The following TMEM44 variants were observed in gnomAD, a reference collection of about 807,000 sequenced individuals.
TMEM44 encodes transmembrane protein 44.
A neutral mutation model predicts 47.8 loss-of-function variants in TMEM44; 43 were observed. That is an observed-to-expected ratio of 0.90 (90% CI 0.70 to 1.16). TMEM44 has a LOEUF of 1.16. Ranked by LOEUF, TMEM44 falls within the 50% of genes most tolerant of loss-of-function variation. The pLI is 0.00. For missense variants in TMEM44, 568 were observed against 555.2 expected (o/e 1.02, Z -0.23); for synonymous variants, 277 against 238.8 (o/e 1.16, Z -1.48).
intron 9 of TMEM44, among the ~76,000 whole-genome samples, chr3:194,602,601 T>TC (rs1714271725): frequency 1.1e-5 from 1 of 93,294 alleles, no homozygotes; most frequent in African/African-American, 7.8e-5. Context: ...GAACTCCTTC[T>TC]CAAAAAAAAA....
At chr3:194,591,434 C>T (rs1232396653) in intron 9 of TMEM44, among the ~76,000 whole-genome samples, 1 of 152,074 alleles carries the variant, frequency 6.6e-6, no homozygotes, top group Non-Finnish European at 1.5e-5. Flanking sequence ...GCGGAGGTTG[C>T]AGTGAGCCGA....
At chr3:194,600,643 C>G (rs1040068290) in intron 9 of TMEM44, among the ~76,000 whole-genome samples, 2 of 151,970 alleles carry the variant, frequency 1.3e-5, no homozygotes, top group African/African-American at 4.8e-5. Flanking sequence ...CCCAGATACT[C>G]AGGAGGCTGA....
intron 1 of TMEM44, among the ~76,000 whole-genome samples, chr3:194,630,852 T>C (rs1717734165): frequency 6.8e-6 from 1 of 146,560 alleles, no homozygotes; most frequent in Non-Finnish European, 1.5e-5. Flanking sequence ...TCTGAAATAA[T>C]ACGCTGTCGT....
chr3:194,612,436 A>C (rs942569549), intron 7 of TMEM44, among the ~76,000 whole-genome samples: 1 of 152,254 alleles, frequency 6.6e-6, no homozygotes, highest in South Asian at 2.1e-4. Context: ...CAGTCGGATC[A>C]CATGGTTAAG....
intron 2 of TMEM44, among the ~76,000 whole-genome samples, chr3:194,626,681 GTT>G (rs61419904): frequency 8.3e-5 from 11 of 133,094 alleles, no homozygotes; most frequent in South Asian, 5.0e-4. Context: ...ATGTAGTTAA[GTT>G]TTTTTTTTTT....
At position 194,626,465 on chromosome 3, in the gene TMEM44, C is replaced by T. The variant is rs562512104; in HGVS notation, c.265-475G>A. 3.3e-5 allele frequency among the ~76,000 whole-genome samples: 5 copies of T among 152,324 alleles called. No homozygotes were observed. In the South Asian group the frequency reaches 8.3e-4, roughly 25 times the overall value. ...AGCAAACTACCTCTAAAGGCACCAGCTCCTCTGATAGTAGAGTTAGCGGTG... is the reference window on the plus strand; with the variant it reads ...AGCAAACTACCTCTAAAGGCACCAGTTCCTCTGATAGTAGAGTTAGCGGTG... On this transcript the variant is annotated intron_variant, in intron 2 of 9. Coordinates refer to ENST00000347147, the MANE Select transcript of TMEM44 (RefSeq NM_001011655.3).
At chr3:194,612,361 G>A (rs1226603026) in intron 7 of TMEM44, among the ~76,000 whole-genome samples, 1 of 152,156 alleles carries the variant, frequency 6.6e-6, no homozygotes, top group Non-Finnish European at 1.5e-5. Flanking sequence ...TCTTTGGTCT[G>A]GGCACCTATA....
At chr3:194,608,003 C>T (rs774403612) in intron 8 of TMEM44, among the ~76,000 whole-genome samples, 3 of 152,330 alleles carry the variant, frequency 2.0e-5, no homozygotes, top group South Asian at 2.1e-4. Context: ...AGAATCCCTT[C>T]GACACTGAGC....
At chr3:194,628,229 G>A (rs892663107) in intron 2 of TMEM44, among the ~76,000 whole-genome samples, 154 bp downstream of exon 2, 3 of 152,234 alleles carry the variant, frequency 2.0e-5, no homozygotes, top group Admixed American at 2.0e-4. Flanking sequence ...CCTCTGAGGG[G>A]GGCAGAAGGA....
chr3:194,618,157 C>G (rs1716147476), intron 5 of TMEM44, among the ~76,000 whole-genome samples: 1 of 152,210 alleles, frequency 6.6e-6, no homozygotes, highest in Non-Finnish European at 1.5e-5. Context: ...CCCGGCCCTT[C>G]TCTCCCTGGG....
At position 194,623,230 on chromosome 3, in the gene TMEM44, GGA is replaced by G. The variant is rs753398186; in HGVS notation, c.604_605del (p.Ser202GlnfsTer38). 6.3e-5 allele frequency: 102 copies of G among 1,608,086 alleles called. 1 individual carries two copies. Among genetic ancestry groups the G allele is most frequent in the Admixed American group, 5.2e-4 (31 of 59,226 alleles). On this transcript the variant is annotated frameshift_variant, in exon 5 of 10. Coordinates refer to ENST00000347147, the MANE Select transcript of TMEM44 (RefSeq NM_001011655.3). LOFTEE classifies it high-confidence loss of function. ...GSWASRIPPL[S>X]RICRGKTFPS... ...TCCCCACCCCCGGCCTCACAATTCT[GGA>G]GAGAGGGGGGATCCGAGAAGCCCAG...
intron 1 of TMEM44, 27 bp downstream of exon 1, chr3:194,633,052 C>T (rs1717989336): frequency 6.5e-7 from 1 of 1,545,306 alleles, no homozygotes; most frequent in Admixed American, 2.0e-5. Context: ...CCCCGCCCGA[C>T]AGCCCCCCGA....
intron 9 of TMEM44, among the ~76,000 whole-genome samples, chr3:194,590,514 C>T (rs572841848): frequency 3.0e-4 from 46 of 152,328 alleles, no homozygotes; most frequent in African/African-American, 1.0e-3. Flanking sequence ...CCTCAGCCTA[C>T]GTGACCCACC....
At chr3:194,592,224 C>CA (rs58909852) in intron 9 of TMEM44, among the ~76,000 whole-genome samples, 17,546 of 129,548 alleles carry the variant, frequency 0.14, 1,319 homozygotes, top group East Asian at 0.24. Flanking sequence ...GACTCCGTCT[C>CA]AAAAAAAAAA....
Position 194,611,929 on chromosome 3 carries a change from G to A in TMEM44, c.913-909C>T. Reference sequence around the variant, plus strand: ...CCTAGCTACGTGGGAGGCGGAGGCAGGAGAATCGCTTGAACCCAGGAGGCG... The same window carrying A: ...CCTAGCTACGTGGGAGGCGGAGGCAAGAGAATCGCTTGAACCCAGGAGGCG... On this transcript the variant is annotated intron_variant, in intron 7 of 9. Coordinates refer to ENST00000347147, the MANE Select transcript of TMEM44 (RefSeq NM_001011655.3). The surrounding 1 kb of genome is among the most constrained non-coding windows in gnomAD (Gnocchi z 4.2). Among the ~76,000 whole-genome samples, 1 of 152,056 alleles carries A rather than the reference G, an allele frequency of 6.6e-6. No individual in the cohort carries two copies. Among genetic ancestry groups the A allele is most frequent in the Non-Finnish European group, 1.5e-5 (1 of 68,028 alleles).
At chr3:194,591,650 T>A (rs1006825365) in intron 9 of TMEM44, among the ~76,000 whole-genome samples, 2 of 151,970 alleles carry the variant, frequency 1.3e-5, no homozygotes, top group African/African-American at 4.8e-5. Flanking sequence ...TCTCACTCCA[T>A]CACCCAGGCT....
intron 5 of TMEM44, 167 bp from the exon 6 acceptor site, chr3:194,617,436 G>A (rs1188042433): frequency 1.2e-6 from 1 of 820,156 alleles, no homozygotes; most frequent in Non-Finnish European, 1.9e-6. Context: ...TCTTCTGCCT[G>A]TCAAACTCCT....
chr3:194,613,710 T>G (rs1413800010), intron 7 of TMEM44, among the ~76,000 whole-genome samples: 1 of 149,504 alleles, frequency 6.7e-6, no homozygotes, highest in Non-Finnish European at 1.5e-5. Context: ...GTCAGGCTGG[T>G]CTCGAACTCC....
At chr3:194,615,272 A>G (rs2109191079) in intron 7 of TMEM44, among the ~76,000 whole-genome samples, 1 of 151,964 alleles carries the variant, frequency 6.6e-6, no homozygotes, top group South Asian at 2.1e-4. Flanking sequence ...AAAAATAAAA[A>G]TAAAGCGACC....
Sources: allele counts gnomAD v4.1 joint callset (sites outside exome capture counted in the v4.1 genomes callset), GRCh38; gene constraint gnomAD v4.1.1; non-coding constraint Gnocchi (gnomAD v3.1); transcripts MANE v1.5; gene names NCBI Gene and HGNC (gene_info 2026-07-23, HGNC 2026-07-21).